Variants in MANBA observed in about 807,000 individuals in gnomAD.
The protein encoded by MANBA is mannosidase beta.
A neutral mutation model predicts 111.1 loss-of-function variants in MANBA; 83 were observed. The ratio of observed to expected loss-of-function variants is 0.75; its 90% CI spans 0.63 to 0.90. The LOEUF is 0.90. Ranked by LOEUF, MANBA falls within the 40% of genes least tolerant of loss-of-function variation. MANBA has a pLI of 0.00. For synonymous variants in MANBA, 370 were observed against 378.7 expected, an observed-to-expected ratio of 0.98 and a Z score of 0.27; for missense variants, 1,036 against 1,069.0, an observed-to-expected ratio of 0.97 and a Z score of 0.43.
chr4:102,659,332 C>A (rs1730814825), intron 11 of MANBA, among the ~76,000 whole-genome samples: 1 of 152,114 alleles, frequency 6.6e-6, no homozygotes. Context: ...GTAAGCCTTC[C>A]CTGAGAGATA....
At chr4:102,646,359 C>A (rs1409957142) in intron 13 of MANBA, among the ~76,000 whole-genome samples, 1 of 152,088 alleles carries the variant, frequency 6.6e-6, no homozygotes, top group Non-Finnish European at 1.5e-5. Flanking sequence ...AAACAAATAA[C>A]CATTCCAGGG....
intron 5 of MANBA, among the ~76,000 whole-genome samples, chr4:102,692,063 C>T (rs1267177864): frequency 6.6e-6 from 1 of 152,156 alleles, no homozygotes; most frequent in African/African-American, 2.4e-5. Flanking sequence ...CTGGCAATTT[C>T]ACCCCAGATC....
At chr4:102,739,407 A>C (rs1249020233) in intron 1 of MANBA, among the ~76,000 whole-genome samples, 1 of 152,208 alleles carries the variant, frequency 6.6e-6, no homozygotes, top group Non-Finnish European at 1.5e-5. Flanking sequence ...CCTACTGAAA[A>C]TACTCCAAAA....
At chr4:102,646,246 A>T (rs1730097553) in intron 13 of MANBA, among the ~76,000 whole-genome samples, 1 of 152,078 alleles carries the variant, frequency 6.6e-6, no homozygotes, top group Non-Finnish European at 1.5e-5. Context: ...ATAATACACA[A>T]TGTTAATGGT....
chr4:102,684,528 A>G (rs887394792), intron 7 of MANBA, among the ~76,000 whole-genome samples: 1 of 152,246 alleles, frequency 6.6e-6, no homozygotes, highest in Non-Finnish European at 1.5e-5. Flanking sequence ...TACTTGGAAT[A>G]GCCAAAACTG....
chr4:102,655,826 T>C (rs1730534513), intron 12 of MANBA, among the ~76,000 whole-genome samples: 1 of 152,212 alleles, frequency 6.6e-6, no homozygotes, highest in Non-Finnish European at 1.5e-5. Context: ...CTGTAAGTGA[T>C]ACCATCAAAG....
chr4:102,755,180 A>G (rs1723962895), intron 1 of MANBA, among the ~76,000 whole-genome samples: 1 of 152,216 alleles, frequency 6.6e-6, no homozygotes, highest in Admixed American at 6.5e-5. Flanking sequence ...CTAAGCCAAA[A>G]GAACAAAGCT....
chr4:102,745,468 G>A (rs978834086), intron 1 of MANBA, among the ~76,000 whole-genome samples: 5 of 152,102 alleles, frequency 3.3e-5, no homozygotes, highest in Non-Finnish European at 7.4e-5. Context: ...TTCGCAAAGC[G>A]TTGGTCAAGG....
chr4:102,709,169 G>C (rs959785610), intron 5 of MANBA, among the ~76,000 whole-genome samples: 1 of 147,998 alleles, frequency 6.8e-6, no homozygotes, highest in African/African-American at 2.5e-5. Flanking sequence ...GGAAAAGAAA[G>C]GAAAGGAGGG....
intron 1 of MANBA, chr4:102,753,838 T>C: frequency 3.0e-6 from 1 of 336,030 alleles, no homozygotes; most frequent in South Asian, 2.2e-5. Flanking sequence ...ATCCCAGCAC[T>C]TTGACAGGCC....
chr4:102,750,785 T>C (rs1723761138), intron 1 of MANBA, among the ~76,000 whole-genome samples: 1 of 152,034 alleles, frequency 6.6e-6, no homozygotes, highest in Non-Finnish European at 1.5e-5. Context: ...TGGTGGTGTG[T>C]ACCTGTAGTC....
Position 102,696,742 on chromosome 4 carries a change from C to G in MANBA, c.674-5971G>C, listed in dbSNP as rs551645123. 3.9e-5 allele frequency among the ~76,000 whole-genome samples: 6 copies of G among 152,240 alleles called. No individual in the cohort carries two copies. The South Asian group carries it at 1.2e-3, about 32-fold the overall frequency. The stretch of plus-strand genomic sequence containing the variant: ...CCCTGCTGAGCTCCTCACAGCTCCC[C>G]CTTTTGCAGGCTCTCTTCTTCCTCC... On this transcript the variant is annotated intron_variant, in intron 5 of 16. Coordinates refer to ENST00000647097, the MANE Select transcript of MANBA (RefSeq NM_005908.4).
At chr4:102,672,255 T>C in intron 8 of MANBA, 1 of 393,982 alleles carries the variant, frequency 2.5e-6, no homozygotes, top group Non-Finnish European at 4.5e-6. Flanking sequence ...AATAATATAC[T>C]ACAATGCACA....
At chr4:102,728,469 C>T (rs573152209) in intron 1 of MANBA, 7 of 393,802 alleles carry the variant, frequency 1.8e-5, no homozygotes, top group Admixed American at 6.9e-5. Flanking sequence ...TATGGTTTTT[C>T]GGAATACCCA....
rs182466737 is a variant in MANBA at position 102,736,436 on chromosome 4, C to A, written c.178-9753G>T. Among the ~76,000 whole-genome samples, 171 of 152,230 alleles carry A rather than the reference C, an allele frequency of 1.1e-3. 2 individuals are homozygous for A. Among genetic ancestry groups the A allele is most frequent in the Admixed American group, 0.01 (158 of 15,290 alleles). ...AAGCTTCTGGACTCCATCATTATAC[C>A]TGATTATAGATACAGAGACTACTTA... is the stretch of plus-strand genomic sequence containing the variant. On this transcript the variant is annotated intron_variant, in intron 1 of 16. Transcript: ENST00000647097.
chr4:102,726,462 TAAAC>T (rs1560800416), intron 2 of MANBA, 123 bp downstream of exon 2: 3 of 634,940 alleles, frequency 4.7e-6, no homozygotes, highest in East Asian at 2.7e-5. Flanking sequence ...ATATGTAACC[TAAAC>T]AAACAAAACA....
intron 1 of MANBA, among the ~76,000 whole-genome samples, chr4:102,745,426 C>A (rs1052003746): frequency 2.0e-5 from 3 of 152,172 alleles, no homozygotes; most frequent in African/African-American, 7.2e-5. Flanking sequence ...CAGGACTCTT[C>A]AGAGATGCAG....
At chr4:102,661,045 T>A (rs1730924721) in intron 11 of MANBA, among the ~76,000 whole-genome samples, 1 of 152,108 alleles carries the variant, frequency 6.6e-6, no homozygotes, top group Admixed American at 6.6e-5. Flanking sequence ...CTACCTTCCA[T>A]TCTCCCACAG....
chr4:102,687,188 C>T (rs1029517443), intron 7 of MANBA, among the ~76,000 whole-genome samples: 4 of 152,078 alleles, frequency 2.6e-5, no homozygotes, highest in African/African-American at 9.7e-5. Context: ...CATCATCAAG[C>T]CTGCTGAGGT....
Sources: gnomAD v4.1 joint callset for allele counts (sites outside exome capture counted in the v4.1 genomes callset) on GRCh38, gnomAD v4.1.1 for gene constraint, MANE v1.5 for transcripts, NCBI Gene and HGNC (gene_info 2026-07-23, HGNC 2026-07-21) for gene names.